MEGF9: variants seen among roughly 807,000 people sequenced by gnomAD.
MEGF9 encodes the protein multiple EGF like domains 9.
A neutral mutation model predicts 46.8 loss-of-function variants in MEGF9; 6 were observed. That is an observed-to-expected ratio of 0.13 (90% confidence interval 0.07 to 0.25). MEGF9 has a LOEUF of 0.25. Among genes scored for constraint, MEGF9 ranks in the 10% least tolerant of loss-of-function variants. The probability of loss-of-function intolerance (pLI) is 1.00; values close to 1 mark genes in which losing one functional copy is unlikely to be tolerated. For missense variants in MEGF9, 683 were observed against 792.4 expected, an observed-to-expected ratio of 0.86 and a Z score of 1.66; for synonymous variants, 302 against 330.7, an observed-to-expected ratio of 0.91 and a Z score of 0.94.
chr9:120,652,687 ATATAT>A (rs2043659052), intron 2 of MEGF9, among the ~76,000 whole-genome samples: 1 of 151,856 alleles, frequency 6.6e-6, no homozygotes, highest in Admixed American at 6.6e-5. Flanking sequence ...TAATAGTCAT[ATATAT>A]TTATAGGGGA....
chr9:120,685,212 A>T (rs1182608876), intron 1 of MEGF9, among the ~76,000 whole-genome samples: 5 of 152,214 alleles, frequency 3.3e-5, no homozygotes, highest in Admixed American at 3.3e-4. Context: ...AGCAATACAG[A>T]CATAGGATTG....
At chr9:120,650,008 T>C (rs912560799) in intron 2 of MEGF9, among the ~76,000 whole-genome samples, 5 of 152,344 alleles carry the variant, frequency 3.3e-5, no homozygotes, top group Middle Eastern at 3.4e-3. Flanking sequence ...GGCTCACACC[T>C]GTAATTCCAG....
At chr9:120,620,040 T>G (rs2043491402) in intron 3 of MEGF9, among the ~76,000 whole-genome samples, 1 of 152,234 alleles carries the variant, frequency 6.6e-6, no homozygotes, top group Non-Finnish European at 1.5e-5. Flanking sequence ...TCACGTTGGA[T>G]TCCACTTTTA....
In MEGF9 at chr9:120,678,672, C is replaced by A. The variant is rs560188201; in HGVS notation, c.602-19097G>T. ...GTATTTCAGTAGAGATGGGGTTTTG[C>A]CATGTTGGCCATGCTGGTCTCGAAC... On this transcript the variant is annotated intron_variant, in intron 1 of 5. Coordinates refer to ENST00000373930, the MANE Select transcript of MEGF9 (RefSeq NM_001080497.3). Among the ~76,000 whole-genome samples, 3 of 152,218 alleles carry A rather than the reference C, an allele frequency of 2.0e-5. No individual in the cohort carries two copies. The East Asian group carries it at 5.8e-4, about 29-fold the overall frequency.
intron 1 of MEGF9, among the ~76,000 whole-genome samples, chr9:120,660,098 A>G (rs1290159627): frequency 6.6e-6 from 1 of 151,926 alleles, no homozygotes; most frequent in Non-Finnish European, 1.5e-5. Flanking sequence ...ACCAGAGGAG[A>G]AAGTTTACAG....
intron 1 of MEGF9, among the ~76,000 whole-genome samples, chr9:120,666,951 G>C (rs1048934134): frequency 1.3e-5 from 2 of 152,124 alleles, no homozygotes; most frequent in African/African-American, 4.8e-5. Context: ...TGACTACAAA[G>C]GAGCAATACA....
In MEGF9 at chr9:120,605,495, T is replaced by C; in HGVS notation, c.1504A>G (p.Thr502Ala). The change falls in exon 6 of 6, where the codon ACT (threonine) becomes GCT (alanine). Residue 502 changes from threonine (T) to alanine (A), a missense_variant. Transcript: ENST00000373930. This position sits in a 1 kb window ranked among gnomAD's most constrained non-coding sequence, Gnocchi z 4.0. ...CATGATACATCAGCTAAAGCTGAAG[T>C]GCTGTTTTCAGAAGTGCTTACTGAA... ...IFSVSTSENSTSALADVSWTQ... is the reference protein window; with the variant it reads ...IFSVSTSENSASALADVSWTQ... 1.2e-6 allele frequency: 2 copies of C among 1,614,008 alleles called. No homozygotes were observed. Among genetic ancestry groups the C allele is most frequent in the Non-Finnish European group, 1.7e-6 (2 of 1,179,886 alleles).
At chr9:120,610,622 T>A (rs1393320468) in intron 4 of MEGF9, among the ~76,000 whole-genome samples, 1 of 152,200 alleles carries the variant, frequency 6.6e-6, no homozygotes, top group Admixed American at 6.5e-5. Context: ...TCTGAAGCCA[T>A]TGCTGATATT....
At chr9:120,614,810 C>T (rs2043463997) in intron 3 of MEGF9, among the ~76,000 whole-genome samples, 1 of 150,916 alleles carries the variant, frequency 6.6e-6, no homozygotes, top group Non-Finnish European at 1.5e-5. Flanking sequence ...AAAAAGCTAA[C>T]AGTTCCATAG....
In MEGF9 at chr9:120,714,187, C is replaced by T. The variant is rs946002051; in HGVS notation, c.172G>A (p.Gly58Arg). 1.6e-6 allele frequency: 2 copies of T among 1,234,882 alleles called. No individual in the cohort carries two copies. The highest frequency in any genetic ancestry group is 2.0e-6 in the Non-Finnish European group (2 of 990,440). The allele number at this position is 1,234,882 out of a possible 1,614,324, so 76.5% of individuals were successfully genotyped here. A position where few individuals can be genotyped will look rare whatever the true frequency, so the allele number is the denominator to read the frequency against. ...AGQVDASPGPGLRGEPSHPFP... is the reference protein window; with the variant it reads ...AGQVDASPGPRLRGEPSHPFP... ...GGGTGGCTGGGCTCGCCCCGCAACC[C>T]GGGGCCCGGCGACGCGTCCACCTGC... is the stretch of plus-strand genomic sequence containing the variant. Residue 58 changes from glycine (G) to arginine (R), a missense_variant, in exon 1 of 6, where the codon GGG becomes AGG. Gly to Arg is a moderately radical substitution (Grantham distance 125, BLOSUM62 -2). Transcript: ENST00000373930.
chr9:120,611,865 A>AAGAG (rs3983894), intron 4 of MEGF9, among the ~76,000 whole-genome samples: 71,920 of 136,598 alleles, frequency 0.53, 20,339 homozygotes, highest in South Asian at 0.65. Flanking sequence ...GGAAGGAAGA[A>AAGAG]AGAGAGAGAG....
chr9:120,670,806 C>G (rs1454209784), intron 1 of MEGF9, among the ~76,000 whole-genome samples: 1 of 152,146 alleles, frequency 6.6e-6, no homozygotes, highest in Non-Finnish European at 1.5e-5. Context: ...CTGCCCACTC[C>G]CATTGTCCCC....
At chr9:120,692,707 C>T (rs1049417727) in intron 1 of MEGF9, among the ~76,000 whole-genome samples, 54 of 152,250 alleles carry the variant, frequency 3.5e-4, no homozygotes, top group South Asian at 4.1e-4. Flanking sequence ...CCACTCAGGA[C>T]TTCAGTTCCC....
chr9:120,672,922 CTG>C (rs1243035928), intron 1 of MEGF9, among the ~76,000 whole-genome samples: 1 of 152,152 alleles, frequency 6.6e-6, no homozygotes, highest in Non-Finnish European at 1.5e-5. Flanking sequence ...ACTCGGGAGA[CTG>C]AGGCAGGAGA....
intron 4 of MEGF9, among the ~76,000 whole-genome samples, chr9:120,611,925 C>T (rs889098802): frequency 7.3e-5 from 11 of 151,528 alleles, no homozygotes; most frequent in Non-Finnish European, 1.2e-4. Context: ...CAAACCAGCA[C>T]CACCCAGCTA....
intron 3 of MEGF9, among the ~76,000 whole-genome samples, chr9:120,618,837 T>C (rs1355907748): frequency 6.6e-6 from 1 of 151,044 alleles, no homozygotes; most frequent in Non-Finnish European, 1.5e-5. Flanking sequence ...GAGCCAGAGG[T>C]TGCAGTGAGC....
At chr9:120,669,789 G>A (rs1159769185) in intron 1 of MEGF9, among the ~76,000 whole-genome samples, 2 of 152,266 alleles carry the variant, frequency 1.3e-5, no homozygotes, top group South Asian at 2.1e-4. Context: ...GATATTTACT[G>A]TTTTATCTCC....
rs565340559 is a variant in MEGF9 at position 120,700,452 on chromosome 9, T to C, written c.601+13306A>G. ...TAACTATTCAATAACTCACATAACA[T>C]CAATAGATGGTGGGACTATAATGTT... is the stretch of plus-strand genomic sequence containing the variant. On this transcript the variant is annotated intron_variant, in intron 1 of 5. Transcript: ENST00000373930. 7.2e-5 allele frequency among the ~76,000 whole-genome samples: 11 copies of C among 152,290 alleles called. No individual in the cohort carries two copies. The South Asian group carries it at 2.3e-3, about 32-fold the overall frequency.
intron 2 of MEGF9, among the ~76,000 whole-genome samples, chr9:120,649,752 C>T (rs892152051): frequency 6.6e-6 from 1 of 152,042 alleles, no homozygotes; most frequent in Non-Finnish European, 1.5e-5. Context: ...TGAACTTGAA[C>T]TCTTGTTTAT....
Sources: allele counts gnomAD v4.1 joint callset (sites outside exome capture counted in the v4.1 genomes callset), GRCh38; gene constraint gnomAD v4.1.1; non-coding constraint Gnocchi (gnomAD v3.1); transcripts MANE v1.5; gene names NCBI Gene and HGNC (gene_info 2026-07-23, HGNC 2026-07-21).